The following KCNK2 variants were observed in gnomAD, a reference collection of about 807,000 sequenced individuals.
KCNK2 encodes potassium two pore domain channel subfamily K member 2.
KCNK2 carries 21 observed loss-of-function variants against 40.5 expected under a neutral mutation model. The observed-to-expected ratio is 0.52, with a 90% CI of 0.37 to 0.75. The LOEUF (loss-of-function observed/expected upper bound fraction) is 0.75, where lower values mean the gene tolerates loss of function less well. Among genes scored for constraint, KCNK2 ranks in the 30% least tolerant of loss-of-function variants. The pLI, the probability that KCNK2 is intolerant of heterozygous loss-of-function variation, is 0.00. For missense variants in KCNK2, 399 were observed against 531.6 expected (o/e 0.75, Z 2.45); for synonymous variants, 191 against 202.2 (o/e 0.94, Z 0.47).
At position 215,124,032 on chromosome 1, in the gene KCNK2, G is replaced by A. The variant is rs1234499376; in HGVS notation, c.358-601G>A. ...AGCTTTGGTGATTCTTATTGTCATA[G>A]AATTTATTAAAATCTGTAGAAATTC... On this transcript the variant is annotated intron_variant, in intron 2 of 6. Coordinates refer to ENST00000444842, the MANE Select transcript of KCNK2 (RefSeq NM_001017425.3). Among the ~76,000 whole-genome samples the A allele has an allele frequency of 2.0e-5, 3 of 152,246 alleles. No homozygotes were observed. The East Asian group carries it at 5.8e-4, about 29-fold the overall frequency.
Position 215,083,324 on chromosome 1 carries a change from G to C in KCNK2, c.-62G>C. ...GAATAAGAAGTGAGTACAATGGCGT[G>C]TTTGTAAAAAAAAGCTTCAAGTCCG... On this transcript the variant is annotated 5_prime_UTR_variant, in exon 1 of 7. Coordinates refer to ENST00000444842, the MANE Select transcript of KCNK2 (RefSeq NM_001017425.3). 1 of 1,613,596 alleles carries C rather than the reference G, an allele frequency of 6.2e-7. No individual in the cohort carries two copies. Among genetic ancestry groups the C allele is most frequent in the Non-Finnish European group, 8.5e-7 (1 of 1,179,764 alleles).
chr1:215,067,068 C>T (rs11120481), intron 1 of KCNK2, among the ~76,000 whole-genome samples: 64,641 of 151,876 alleles, frequency 0.43, 16,017 homozygotes, highest in East Asian at 0.57. Flanking sequence ...AAAAAACGAA[C>T]GGGGTGGGCT....
intron 5 of KCNK2, among the ~76,000 whole-genome samples, chr1:215,174,961 C>A (rs890975966): frequency 1.3e-5 from 2 of 152,172 alleles, no homozygotes; most frequent in East Asian, 3.9e-4. Context: ...CCCTTTATTT[C>A]TTTCTCCTGC....
rs554462784 is a variant in KCNK2, at chr1:215,111,804, T to C, written c.358-12829T>C. Among the ~76,000 whole-genome samples the C allele has an allele frequency of 2.6e-5, 4 of 151,864 alleles. No homozygotes were observed. In the South Asian group the frequency reaches 8.3e-4, roughly 32 times the overall value. ...TTTCCCTGTTTCTTTATGTGCCTTG[T>C]AACTTTTATGATTGGATCTACGCAT... is the stretch of plus-strand genomic sequence containing the variant. On this transcript the variant is annotated intron_variant, in intron 2 of 6. Transcript: ENST00000444842.
intron 3 of KCNK2, among the ~76,000 whole-genome samples, chr1:215,146,598 C>T (rs1488854995): frequency 6.6e-6 from 1 of 152,048 alleles, no homozygotes; most frequent in Non-Finnish European, 1.5e-5. Flanking sequence ...ACATACTTTC[C>T]CAGTCTGACA....
chr1:215,165,491 T>A (rs1278960137), intron 3 of KCNK2, among the ~76,000 whole-genome samples: 1 of 152,168 alleles, frequency 6.6e-6, no homozygotes, highest in African/African-American at 2.4e-5. Flanking sequence ...GTTTGCATAC[T>A]GATGAGGCTA....
At chr1:215,006,865 CT>C (rs907719458) in intron 1 of KCNK2, among the ~76,000 whole-genome samples, 2 of 150,874 alleles carry the variant, frequency 1.3e-5, no homozygotes, top group African/African-American at 2.4e-5. Context: ...CATTGTGTCA[CT>C]TTTTTTCCAT....
intron 3 of KCNK2, among the ~76,000 whole-genome samples, chr1:215,131,491 A>T (rs960113657): frequency 4.1e-5 from 6 of 147,278 alleles, no homozygotes; most frequent in Admixed American, 6.8e-5. Context: ...ATGTATGCAA[A>T]TTATTAATAT....
chr1:215,066,201 A>G (rs56274886), intron 1 of KCNK2, among the ~76,000 whole-genome samples: 1,759 of 152,266 alleles, frequency 0.012, 39 homozygotes, highest in South Asian at 0.097. Flanking sequence ...CCACTATGGC[A>G]CGTGTATACC....
At chr1:215,097,611 C>G (rs1660036017) in intron 2 of KCNK2, among the ~76,000 whole-genome samples, 1 of 151,894 alleles carries the variant, frequency 6.6e-6, no homozygotes, top group South Asian at 2.1e-4. Context: ...ACAATTTTCT[C>G]TAATGGTTAG....
At chr1:215,043,785 A>G (rs1321468977) in intron 1 of KCNK2, among the ~76,000 whole-genome samples, 1 of 152,212 alleles carries the variant, frequency 6.6e-6, no homozygotes. Context: ...ATTGGATGAA[A>G]TGCTAAAATG....
At chr1:215,027,137 G>GT (rs1190301085) in intron 1 of KCNK2, among the ~76,000 whole-genome samples, 1 of 151,928 alleles carries the variant, frequency 6.6e-6, no homozygotes, top group Non-Finnish European at 1.5e-5. Flanking sequence ...AATGCCAGTA[G>GT]TTTTTTTCTC....
chr1:215,085,517 A>G (rs1290209841), intron 1 of KCNK2, among the ~76,000 whole-genome samples: 5 of 152,200 alleles, frequency 3.3e-5, no homozygotes, highest in Admixed American at 3.3e-4. Context: ...AACCATATAA[A>G]TCCACTCTAA....
At chr1:215,118,503 C>T (rs1558099189) in intron 2 of KCNK2, among the ~76,000 whole-genome samples, 1 of 152,052 alleles carries the variant, frequency 6.6e-6, no homozygotes, top group Non-Finnish European at 1.5e-5. Context: ...TGATTGGATT[C>T]GTTATCTAAA....
chr1:215,116,980 A>G (rs1007307309), intron 2 of KCNK2, among the ~76,000 whole-genome samples: 4 of 152,032 alleles, frequency 2.6e-5, no homozygotes, highest in African/African-American at 7.2e-5. Context: ...GAAATCAAAT[A>G]TATATTTTTA....
chr1:215,126,734 CA>C (rs1325060602), intron 3 of KCNK2, among the ~76,000 whole-genome samples: 2 of 152,142 alleles, frequency 1.3e-5, no homozygotes, highest in African/African-American at 4.8e-5. Flanking sequence ...AGCCTTACTC[CA>C]AATTATAGCC....
chr1:215,175,752 T>C lies in KCNK2; in HGVS notation c.823+3569T>C, dbSNP rs564653598. 3.9e-5 allele frequency among the ~76,000 whole-genome samples: 6 copies of C among 152,234 alleles called. No homozygotes were observed. The South Asian group carries it at 1.2e-3, about 32-fold the overall frequency. On this transcript the variant is annotated intron_variant, in intron 5 of 6. Coordinates refer to ENST00000444842, the MANE Select transcript of KCNK2 (RefSeq NM_001017425.3). ...ACTTATAAGTGAGAACATAGGGTAT[T>C]TGGTTTTCTGTTCTTGCATTAATTC...
At position 215,086,479 on chromosome 1, in the gene KCNK2, C is replaced by T. The variant is rs372323312; in HGVS notation, c.158C>T (p.Thr53Ile). The change falls in exon 2 of 7, where the codon ACC (threonine) becomes ATC (isoleucine). Residue 53 changes from threonine (T) to isoleucine (I), a missense_variant. Coordinates refer to ENST00000444842, the MANE Select transcript of KCNK2 (RefSeq NM_001017425.3). Reference protein sequence around the residue: ...VLASRVESDTTINVMKWKTVS... With the variant: ...VLASRVESDTIINVMKWKTVS... ...GCTTCCCGGGTGGAGAGTGACACGA[C>T]CATTAATGTTATGAAATGGAAGACG... 1.2e-6 allele frequency: 2 copies of T among 1,613,924 alleles called. No homozygotes were observed. Among genetic ancestry groups the T allele is most frequent in the East Asian group, 2.2e-5 (1 of 44,884 alleles).
At chr1:215,117,047 A>G (rs1267134735) in intron 2 of KCNK2, among the ~76,000 whole-genome samples, 3 of 152,094 alleles carry the variant, frequency 2.0e-5, no homozygotes, top group Admixed American at 6.6e-5. Flanking sequence ...TCAGTACTCT[A>G]TAACATTACA....
Sources: gnomAD v4.1 joint callset for allele counts (sites outside exome capture counted in the v4.1 genomes callset) on GRCh38, gnomAD v4.1.1 for gene constraint, MANE v1.5 for transcripts, NCBI Gene and HGNC (gene_info 2026-07-23, HGNC 2026-07-21) for gene names.